The following DLG2 variants were observed in gnomAD, a reference collection of about 807,000 sequenced individuals.
The protein encoded by DLG2 is discs large MAGUK scaffold protein 2.
A neutral mutation model predicts 132.5 loss-of-function variants in DLG2; 45 were observed. That is an observed-to-expected ratio of 0.34 (90% CI 0.27 to 0.44). The LOEUF (loss-of-function observed/expected upper bound fraction) is 0.44. DLG2 is among the 20% of genes least tolerant of loss of function. The pLI is 1.00. For synonymous variants in DLG2, 424 were observed against 419.6 expected, an observed-to-expected ratio of 1.01 and a Z score of -0.13; for missense variants, 1,045 against 1,196.9, an observed-to-expected ratio of 0.87 and a Z score of 1.87.
intron 4 of DLG2, among the ~76,000 whole-genome samples, chr11:85,259,493 C>T (rs2076833004): frequency 2.0e-5 from 3 of 152,014 alleles, no homozygotes; most frequent in South Asian, 4.1e-4. Context: ...AGACTAATTC[C>T]ACCATGTCAG....
At chr11:84,089,177 C>A (rs1296681515) in intron 10 of DLG2, among the ~76,000 whole-genome samples, 2 of 152,122 alleles carry the variant, frequency 1.3e-5, no homozygotes, top group African/African-American at 4.8e-5. Context: ...AGAAATCTTT[C>A]ATTTTCTTAA....
chr11:84,011,118 G>A (rs2094866455), intron 11 of DLG2, among the ~76,000 whole-genome samples: 1 of 152,088 alleles, frequency 6.6e-6, no homozygotes, highest in Non-Finnish European at 1.5e-5. Context: ...ACTTAAAAAT[G>A]TTGATTTTGG....
At chr11:84,081,110 A>C (rs1353132953) in intron 10 of DLG2, among the ~76,000 whole-genome samples, 1 of 152,138 alleles carries the variant, frequency 6.6e-6, no homozygotes, top group Non-Finnish European at 1.5e-5. Flanking sequence ...ATAGGAGAAG[A>C]CAGAAAATTA....
intron 19 of DLG2, among the ~76,000 whole-genome samples, chr11:83,578,504 T>G (rs979916639): frequency 6.6e-6 from 1 of 152,090 alleles, no homozygotes; most frequent in Admixed American, 6.6e-5. Flanking sequence ...TCCAACTATA[T>G]AGTGTTTATA....
chr11:84,316,127 G>C (rs916934255), intron 7 of DLG2, among the ~76,000 whole-genome samples: 1 of 152,004 alleles, frequency 6.6e-6, no homozygotes, highest in Non-Finnish European at 1.5e-5. Context: ...GAATAACCTA[G>C]GAATCAAATT....
At chr11:83,944,121 G>C (rs754946923) in intron 14 of DLG2, among the ~76,000 whole-genome samples, 1 of 151,960 alleles carries the variant, frequency 6.6e-6, no homozygotes. Flanking sequence ...TTGGAGATGC[G>C]TGTATGTATT....
chr11:84,617,501 G>A (rs989275202), intron 6 of DLG2, among the ~76,000 whole-genome samples: 3 of 152,092 alleles, frequency 2.0e-5, no homozygotes, highest in African/African-American at 7.2e-5. Flanking sequence ...TACATACCCA[G>A]TAATGGGATT....
chr11:85,414,608 G>A (rs2089650548), intron 3 of DLG2, among the ~76,000 whole-genome samples: 1 of 151,900 alleles, frequency 6.6e-6, no homozygotes, highest in Admixed American at 6.6e-5. Flanking sequence ...TATCTGTTAA[G>A]TCCATTTGTT....
intron 3 of DLG2, among the ~76,000 whole-genome samples, chr11:85,545,280 T>C (rs1164501454): frequency 6.6e-6 from 1 of 152,210 alleles, no homozygotes; most frequent in Non-Finnish European, 1.5e-5. Context: ...GTTTATGTGA[T>C]GGATTACGTG....
intron 6 of DLG2, among the ~76,000 whole-genome samples, chr11:84,728,110 G>A (rs183792505): frequency 3.5e-4 from 53 of 152,262 alleles, no homozygotes; most frequent in African/African-American, 1.2e-3. Context: ...GCCCTGGCCA[G>A]AACTTCCAAC....
At chr11:85,221,922 T>TTTCA (rs1187201618) in intron 4 of DLG2, among the ~76,000 whole-genome samples, 1 of 151,718 alleles carries the variant, frequency 6.6e-6, no homozygotes, top group African/African-American at 2.4e-5. Context: ...CAGAATACAT[T>TTTCA]TTCTTTCTTT....
intron 3 of DLG2, among the ~76,000 whole-genome samples, chr11:85,332,652 CCA>C (rs1262005274): frequency 6.6e-6 from 1 of 152,112 alleles, no homozygotes; most frequent in Admixed American, 6.6e-5. Context: ...AGGAAGGGGT[CCA>C]GTTTCAATCT....
chr11:83,816,779 C>T (rs142432093), intron 17 of DLG2, among the ~76,000 whole-genome samples: 142 of 152,222 alleles, frequency 9.3e-4, no homozygotes, highest in African/African-American at 3.2e-3. Context: ...TTTCATTGCC[C>T]TCTAGTGGTT....
At chr11:83,787,340 T>TGTTTTTTTTG (rs66699053) in intron 17 of DLG2, among the ~76,000 whole-genome samples, 1 of 102,756 alleles carries the variant, frequency 9.7e-6, no homozygotes, top group Non-Finnish European at 1.8e-5. Context: ...TTTTTTTTTT[T>TGTTTTTTTTG]AGACAGAGTC....
intron 11 of DLG2, among the ~76,000 whole-genome samples, chr11:84,000,660 T>G (rs1248948780): frequency 1.3e-5 from 2 of 152,092 alleles, no homozygotes; most frequent in African/African-American, 4.8e-5. Context: ...AGACTAAAAT[T>G]GGTTTCTCAG....
At chr11:85,482,479 C>T (rs74365414) in intron 3 of DLG2, among the ~76,000 whole-genome samples, 86 of 152,298 alleles carry the variant, frequency 5.6e-4, no homozygotes, top group African/African-American at 1.4e-3. Context: ...CCAGTCCCCA[C>T]GAACCCAGGC....
chr11:85,456,199 T>C (rs1328228637), intron 3 of DLG2, among the ~76,000 whole-genome samples: 1 of 151,972 alleles, frequency 6.6e-6, no homozygotes, highest in Non-Finnish European at 1.5e-5. Flanking sequence ...TCTTGGGAGG[T>C]TGTATGTGTC....
At chr11:85,121,772 T>C (rs2074347181) in intron 5 of DLG2, among the ~76,000 whole-genome samples, 1 of 152,212 alleles carries the variant, frequency 6.6e-6, no homozygotes. Context: ...CTTAACTGAA[T>C]AGTTTCTCCA....
At chr11:85,204,378 T>C (rs1394248119) in intron 4 of DLG2, among the ~76,000 whole-genome samples, 7 of 152,182 alleles carry the variant, frequency 4.6e-5, no homozygotes, top group African/African-American at 1.7e-4. Flanking sequence ...GTAGCATTTC[T>C]ATATGTTAAC....
Sources: allele counts gnomAD v4.1 joint callset (sites outside exome capture counted in the v4.1 genomes callset), GRCh38; gene constraint gnomAD v4.1.1; transcripts MANE v1.5; gene names NCBI Gene and HGNC (gene_info 2026-07-23, HGNC 2026-07-21).